The following WWTR1 variants were observed in gnomAD, a reference collection of about 807,000 sequenced individuals.
WWTR1 encodes the protein WW domain-containing transcription regulator protein 1.
A neutral mutation model predicts 40.1 loss-of-function variants in WWTR1; 13 were observed. The observed-to-expected ratio is 0.32, with a 90% confidence interval of 0.21 to 0.52. The LOEUF (loss-of-function observed/expected upper bound fraction) is 0.52, where lower values mean the gene tolerates loss of function less well. Ranked by LOEUF, WWTR1 falls within the 20% of genes least tolerant of loss-of-function variation. The pLI is 0.97. For synonymous variants in WWTR1, 230 were observed against 210.1 expected (o/e 1.09, Z -0.82); for missense variants, 436 against 523.1 (o/e 0.83, Z 1.63).
intron 2 of WWTR1, among the ~76,000 whole-genome samples, chr3:149,580,644 G>C (rs879826057): frequency 4.6e-5 from 7 of 152,122 alleles, no homozygotes; most frequent in Non-Finnish European, 1.0e-4. Flanking sequence ...ACGGAGTTTC[G>C]CTCTTGTCAC....
chr3:149,677,770 G>C (rs1184113830), intron 1 of WWTR1, among the ~76,000 whole-genome samples: 1 of 152,026 alleles, frequency 6.6e-6, no homozygotes, highest in Non-Finnish European at 1.5e-5. Context: ...AATCTGGGAA[G>C]CAGAGGTTGC....
chr3:149,618,482 C>A (rs1740111881), intron 2 of WWTR1, among the ~76,000 whole-genome samples: 1 of 152,198 alleles, frequency 6.6e-6, no homozygotes, highest in African/African-American at 2.4e-5. Context: ...AGAGAGCTTA[C>A]CCAATGTCAC....
chr3:149,661,949 T>C (rs925377341), upstream of WWTR1, among the ~76,000 whole-genome samples: 14 of 151,886 alleles, frequency 9.2e-5, no homozygotes, highest in African/African-American at 3.4e-4. Context: ...GCCAGGCTGG[T>C]CTTGAACTCC....
Position 149,656,236 on chromosome 3 carries a change from G to T in WWTR1, c.431+640C>A, listed in dbSNP as rs886320419. On this transcript the variant is annotated intron_variant, in intron 2 of 6. Transcript: ENST00000360632. The stretch of plus-strand genomic sequence containing the variant: ...AGGCTTGTGATTTGATGGTATTTTA[G>T]GTTAACAAGTTTAATGTAATAAAAC... Among the ~76,000 whole-genome samples the T allele has an allele frequency of 4.6e-5, 7 of 152,148 alleles. No homozygotes were observed. The South Asian group carries it at 1.5e-3, about 32-fold the overall frequency.
chr3:149,660,451 C>T (rs1301095292), upstream of WWTR1: 8 of 152,172 alleles, frequency 5.3e-5, no homozygotes, highest in African/African-American at 9.7e-5. Context: ...ATGTATGAAA[C>T]GGAAATTGCC....
At chr3:149,576,751 A>AT (rs369130842) in intron 2 of WWTR1, among the ~76,000 whole-genome samples, 2,885 of 151,030 alleles carry the variant, frequency 0.019, 79 homozygotes, top group African/African-American at 0.066. Context: ...CTCACTGGTA[A>AT]TTTTTTTTTT....
At chr3:149,522,938 C>A (rs1423498626) in intron 6 of WWTR1, among the ~76,000 whole-genome samples, 1 of 151,804 alleles carries the variant, frequency 6.6e-6, no homozygotes, top group Non-Finnish European at 1.5e-5. Context: ...TGGTGGCGCA[C>A]CCCTGTAATC....
chr3:149,650,971 T>C (rs1712832058), intron 2 of WWTR1, among the ~76,000 whole-genome samples: 1 of 152,188 alleles, frequency 6.6e-6, no homozygotes, highest in South Asian at 2.1e-4. Context: ...GCTGGGTAAA[T>C]AGGCTATGTG....
chr3:149,683,881 G>C (rs958402069), intron 1 of WWTR1, among the ~76,000 whole-genome samples: 1 of 152,048 alleles, frequency 6.6e-6, no homozygotes, highest in Non-Finnish European at 1.5e-5. Flanking sequence ...TGTTACTGTA[G>C]TTTGAGTGGC....
At chr3:149,695,781 A>G (rs1490306766) in intron 1 of WWTR1, among the ~76,000 whole-genome samples, 1 of 141,804 alleles carries the variant, frequency 7.1e-6, no homozygotes, top group Non-Finnish European at 1.5e-5. Context: ...AAAACAAGAA[A>G]AGAAAAGAAA....
chr3:149,585,894 G>T (rs1738397412), intron 2 of WWTR1, among the ~76,000 whole-genome samples: 1 of 152,186 alleles, frequency 6.6e-6, no homozygotes, highest in African/African-American at 2.4e-5. Flanking sequence ...ACCAGGTACA[G>T]AAATGCAGGA....
At chr3:149,623,989 C>T (rs977497145) in intron 2 of WWTR1, among the ~76,000 whole-genome samples, 2 of 152,218 alleles carry the variant, frequency 1.3e-5, no homozygotes, top group Non-Finnish European at 2.9e-5. Context: ...TTGCATCACT[C>T]TCTGTGGAGA....
chr3:149,586,530 T>C (rs1738435027), intron 2 of WWTR1, among the ~76,000 whole-genome samples: 1 of 152,234 alleles, frequency 6.6e-6, no homozygotes, highest in South Asian at 2.1e-4. Flanking sequence ...ATAACCCTTG[T>C]AGATAGGGGT....
intron 2 of WWTR1, among the ~76,000 whole-genome samples, chr3:149,584,833 G>A (rs533977759): frequency 1.3e-5 from 2 of 152,196 alleles, no homozygotes; most frequent in South Asian, 4.2e-4. Flanking sequence ...AATGTAAAAT[G>A]GGCATAAGAA....
At chr3:149,525,077 G>C (rs1458383778) in intron 6 of WWTR1, among the ~76,000 whole-genome samples, 1 of 152,200 alleles carries the variant, frequency 6.6e-6, no homozygotes, top group African/African-American at 2.4e-5. Flanking sequence ...TAATCGGGAA[G>C]CCTGGTGAGG....
chr3:149,603,514 A>T (rs1034074312), intron 2 of WWTR1, among the ~76,000 whole-genome samples: 53 of 152,008 alleles, frequency 3.5e-4, no homozygotes, highest in African/African-American at 1.3e-3. Flanking sequence ...CAGTTTCTTC[A>T]TGATAATGCT....
chr3:149,597,274 A>G (rs1283116217), intron 2 of WWTR1, among the ~76,000 whole-genome samples: 1 of 152,028 alleles, frequency 6.6e-6, no homozygotes, highest in African/African-American at 2.4e-5. Context: ...ACTCTTCCTA[A>G]AATTCTCTAT....
intron 3 of WWTR1, among the ~76,000 whole-genome samples, chr3:149,546,320 T>C (rs1168880061): frequency 2.0e-5 from 3 of 152,240 alleles, no homozygotes; most frequent in African/African-American, 7.2e-5. Flanking sequence ...AAAACAGTAT[T>C]GTTTATAATT....
At chr3:149,689,425 A>AG (rs1357942362) in intron 1 of WWTR1, among the ~76,000 whole-genome samples, 2 of 150,300 alleles carry the variant, frequency 1.3e-5, no homozygotes, top group African/African-American at 2.4e-5. Flanking sequence ...AAAAAAAAAA[A>AG]GAATAACCCA....
Sources: allele counts gnomAD v4.1 joint callset (sites outside exome capture counted in the v4.1 genomes callset), GRCh38; gene constraint gnomAD v4.1.1; transcripts MANE v1.5; gene names NCBI Gene and HGNC (gene_info 2026-07-23, HGNC 2026-07-21).